The following RIPOR3 variants were observed in gnomAD, a reference collection of about 807,000 sequenced individuals.
RIPOR3 encodes the protein family with sequence similarity 65 member C.
In RIPOR3, 95 loss-of-function variants were observed where a neutral mutation model predicts 114.3. The ratio of observed to expected loss-of-function variants is 0.83; its 90% confidence interval spans 0.70 to 0.99. RIPOR3 has a LOEUF of 0.99. RIPOR3 is among the 50% of genes least tolerant of loss of function. The pLI is 0.00. For synonymous variants in RIPOR3, 575 were observed against 543.8 expected (o/e 1.06, Z -0.80); for missense variants, 1,252 against 1,266.9 (o/e 0.99, Z 0.18).
At chr20:50,606,706 C>T (rs1307199863) in intron 11 of RIPOR3, among the ~76,000 whole-genome samples, 1 of 150,134 alleles carries the variant, frequency 6.7e-6, no homozygotes, top group African/African-American at 2.4e-5. Flanking sequence ...CCCACTCCCA[C>T]CCTGTGGAGT....
At chr20:50,623,280 G>GA (rs1287335299) in intron 2 of RIPOR3, among the ~76,000 whole-genome samples, 34 of 144,596 alleles carry the variant, frequency 2.4e-4, no homozygotes, top group South Asian at 6.7e-4. Context: ...AAAAAAAAAA[G>GA]AAAAAAAAGA....
In RIPOR3 at chr20:50,623,153, C is replaced by G. The variant is rs560808153; in HGVS notation, c.123-3021G>C. 2.7e-5 allele frequency among the ~76,000 whole-genome samples: 4 copies of G among 150,816 alleles called. No individual in the cohort carries two copies. The East Asian group carries it at 7.8e-4, about 30-fold the overall frequency. ...GTGGACACCTGTAATCCCAGCTACT[C>G]GGGAGGCTGAGGCAGGAGAATCACT... On this transcript the variant is annotated intron_variant, in intron 2 of 21. Coordinates refer to ENST00000327979, the MANE Select transcript of RIPOR3 (RefSeq NM_001290268.2).
At chr20:50,613,315 T>C (rs2084038965) in intron 4 of RIPOR3, among the ~76,000 whole-genome samples, 1 of 151,894 alleles carries the variant, frequency 6.6e-6, no homozygotes, top group Non-Finnish European at 1.5e-5. Context: ...TATCCTGGCA[T>C]GATTGTGCGC....
rs2083841556 is a variant in RIPOR3 at position 50,608,949 on chromosome 20, A to T, written c.647T>A (p.Val216Glu). The part of the protein sequence containing the change: ...GEFHIRMKGL[V>E]GYARLCPGDH... ...TCCGGGACAGAGGCGTGCGTAGCCCACCAAGCCTGGAACACAGACATGGCC... is the reference window on the plus strand; with the variant it reads ...TCCGGGACAGAGGCGTGCGTAGCCCTCCAAGCCTGGAACACAGACATGGCC... The change falls in exon 9 of 22, where the codon GTG becomes GAG. Residue 216 changes from valine to glutamate, a missense_variant. Transcript: ENST00000327979. 4 of 1,581,294 alleles carry T rather than the reference A, an allele frequency of 2.5e-6. No homozygotes were observed. The highest frequency in any genetic ancestry group is 3.4e-6 in the Non-Finnish European group (4 of 1,164,238).
At position 50,614,444 on chromosome 20, in the gene RIPOR3, G is replaced by A. The variant is rs142819357; in HGVS notation, c.348+1558C>T. Among the ~76,000 whole-genome samples, 615 of 152,314 alleles carry A rather than the reference G, an allele frequency of 4.0e-3. 9 individuals are homozygous for A. The highest frequency in any genetic ancestry group is 0.014 in the African/African-American group (601 of 41,550). On this transcript the variant is annotated intron_variant, in intron 4 of 21. Transcript: ENST00000327979. The stretch of plus-strand genomic sequence containing the variant: ...ATTGGTGCTTTGGAGGAGGGATTCT[G>A]GGAAACACTGGCTGGGAGGAGAATC...
rs150179389 is a variant in RIPOR3 at position 50,620,963 on chromosome 20, G to A, written c.123-831C>T. ...ACTGAAGGTCTCCAAGGACAAACAG[G>A]CCCTCAAGTTCATCAAGGAAAGGGT... is the stretch of plus-strand genomic sequence containing the variant. On this transcript the variant is annotated intron_variant, in intron 2 of 21. Coordinates refer to ENST00000327979, the MANE Select transcript of RIPOR3 (RefSeq NM_001290268.2). 5.6e-6 allele frequency: 3 copies of A among 532,308 alleles called. No homozygotes were observed. In the Admixed American group the frequency reaches 6.8e-5, roughly 12 times the overall value. The allele number at this position is 532,308 out of a possible 1,614,324, so 33.0% of individuals were successfully genotyped here.
intron 13 of RIPOR3, among the ~76,000 whole-genome samples, chr20:50,601,553 T>A (rs2083492817): frequency 6.6e-6 from 1 of 152,240 alleles, no homozygotes; most frequent in Non-Finnish European, 1.5e-5. Flanking sequence ...ACATTCAAAT[T>A]TGTGTAAACA....
intron 1 of RIPOR3, among the ~76,000 whole-genome samples, chr20:50,636,138 T>G (rs1455622855): frequency 6.6e-6 from 1 of 152,200 alleles, no homozygotes; most frequent in Non-Finnish European, 1.5e-5. Flanking sequence ...AGCCAAGCAG[T>G]GTTTCTTGTG....
Position 50,691,283 on chromosome 20 carries a change from C to T in RIPOR3, c.-155G>A, listed in dbSNP as rs879082211. Reference sequence around the variant, plus strand: ...AATTCCATCCACACTGGCCACCAGCCGCTGGTCCCGCTCTCTGGGAAGATC... The same window carrying T: ...AATTCCATCCACACTGGCCACCAGCTGCTGGTCCCGCTCTCTGGGAAGATC... On this transcript the variant is annotated 5_prime_UTR_variant, in exon 1 of 22. Transcript: ENST00000327979. The T allele has an allele frequency of 4.6e-5, 43 of 934,598 alleles. No individual in the cohort carries two copies. The South Asian group carries it at 6.3e-4, about 14-fold the overall frequency. 57.9% of individuals were successfully genotyped at this position (934,598 alleles called of 1,614,324 possible). A position where few individuals can be genotyped will look rare whatever the true frequency, so the allele number is the denominator to read the frequency against.
At chr20:50,597,218 G>T (rs1284687150) in intron 14 of RIPOR3, 5 of 178,780 alleles carry the variant, frequency 2.8e-5, no homozygotes, top group African/African-American at 9.5e-5. Flanking sequence ...CGCCTGCCTC[G>T]GCCTCCCAAA....
Position 50,609,921 on chromosome 20 carries a change from C to G in RIPOR3, c.427-199G>C, listed in dbSNP as rs887691107. Among the ~76,000 whole-genome samples the G allele has an allele frequency of 2.6e-5, 4 of 152,004 alleles. No homozygotes were observed. The East Asian group carries it at 7.7e-4, about 29-fold the overall frequency. ...CCAGTAGAACATGAACCCCCATAGG[C>G]AGGGACCACATCTGCCTCACCTGCC... is the stretch of plus-strand genomic sequence containing the variant. On this transcript the variant is annotated intron_variant, in intron 6 of 21. Transcript: ENST00000327979.
In RIPOR3 at chr20:50,593,032, T is replaced by TA; in HGVS notation, c.2374+2dup. 2 of 1,613,926 alleles carry TA rather than the reference T, an allele frequency of 1.2e-6. No homozygotes were observed. Among genetic ancestry groups the TA allele is most frequent in the South Asian group, 1.1e-5 (1 of 91,090 alleles). On this transcript the variant is annotated splice_region_variant and intron_variant, in intron 18 of 21. Coordinates refer to ENST00000327979, the MANE Select transcript of RIPOR3 (RefSeq NM_001290268.2). ...CTATGACAGCCACCCACCCCAGTCT[T>TA]ACCTTCCTTGGTGAGCTGGGTGAAG... is the stretch of plus-strand genomic sequence containing the variant.
rs536346487 is a variant in RIPOR3 at position 50,620,881 on chromosome 20, G to A, written c.123-749C>T. 181 of 699,322 alleles carry A rather than the reference G, an allele frequency of 2.6e-4. 1 individual carries two copies. The African/African-American group carries it at 2.9e-3, about 11-fold the overall frequency. The allele number at this position is 699,322 out of a possible 1,614,324, so 43.3% of individuals were successfully genotyped here. On this transcript the variant is annotated intron_variant, in intron 2 of 21. Transcript: ENST00000327979. Reference sequence around the variant, plus strand: ...TGACCAAATACACTGAGTTTGTGCGGGACATGATCCGGGAGGTGTGTGGCT... The same window carrying A: ...TGACCAAATACACTGAGTTTGTGCGAGACATGATCCGGGAGGTGTGTGGCT...
In RIPOR3 at chr20:50,601,984, C is replaced by T; in HGVS notation, c.1659+88G>A. On this transcript the variant is annotated intron_variant, in intron 13 of 21. Transcript: ENST00000327979. ...CGCAGAGGTGAGGCCAGGATGTCGG[C>T]CCAGGCTGCGTGGCCCCAGAGCCCC... 3.0e-6 allele frequency: 4 copies of T among 1,313,628 alleles called. No homozygotes were observed. The South Asian group carries it at 6.2e-5, about 20-fold the overall frequency. 81.4% of individuals were successfully genotyped at this position (1,313,628 alleles called of 1,614,324 possible).
At chr20:50,610,174 ACCTGCCTCT>A (rs538545303) in intron 6 of RIPOR3, among the ~76,000 whole-genome samples, 6,405 of 116,266 alleles carry the variant, frequency 0.055, 347 homozygotes, top group Middle Eastern at 0.12. Context: ...ACCCTGTCTC[ACCTGCCTCT>A]CCTGCCTCTC....
At chr20:50,611,058 A>G in intron 5 of RIPOR3, 123 bp downstream of exon 5, 1 of 1,558,714 alleles carries the variant, frequency 6.4e-7, no homozygotes, top group Non-Finnish European at 8.8e-7. Context: ...CAGCCTTCCC[A>G]TTCCTAAAAT....
chr20:50,599,233 A>G (rs866180120), intron 13 of RIPOR3, among the ~76,000 whole-genome samples: 5 of 152,206 alleles, frequency 3.3e-5, no homozygotes, highest in African/African-American at 4.8e-5. Context: ...CTCTACTAAA[A>G]ATACAAAAAT....
chr20:50,600,871 ATATTT>A (rs1395480704), intron 13 of RIPOR3, among the ~76,000 whole-genome samples: 5 of 152,380 alleles, frequency 3.3e-5, no homozygotes, highest in Admixed American at 6.5e-5. Flanking sequence ...TAAACGGAAC[ATATTT>A]TAAAGTTATG....
intron 1 of RIPOR3, among the ~76,000 whole-genome samples, chr20:50,679,335 G>A (rs898961779): frequency 2.0e-5 from 3 of 150,404 alleles, no homozygotes; most frequent in Admixed American, 6.7e-5. Context: ...CTTGCCCCAG[G>A]TTCATGGCCA....
Sources: gnomAD v4.1 joint callset for allele counts (sites outside exome capture counted in the v4.1 genomes callset) on GRCh38, gnomAD v4.1.1 for gene constraint, MANE v1.5 for transcripts, NCBI Gene and HGNC (gene_info 2026-07-23, HGNC 2026-07-21) for gene names.